TRAF7: variants seen among roughly 807,000 people sequenced by gnomAD.
TRAF7 encodes the protein TNF receptor associated factor 7, also known as E3 ubiquitin-protein ligase TRAF7.
In TRAF7, 45 loss-of-function variants were observed where a neutral mutation model predicts 89.3. That is an observed-to-expected ratio of 0.50 (90% CI 0.40 to 0.65). The LOEUF is 0.65. TRAF7 is among the 30% of genes least tolerant of loss of function. TRAF7 has a pLI of 0.00. For synonymous variants in TRAF7, 406 were observed against 369.2 expected, an observed-to-expected ratio of 1.10 and a Z score of -1.14; for missense variants, 677 against 918.1, an observed-to-expected ratio of 0.74 and a Z score of 3.39.
In TRAF7 at chr16:2,167,608, C is replaced by T. The variant is rs534167184; in HGVS notation, c.140-469C>T. Among the ~76,000 whole-genome samples the T allele has an allele frequency of 3.9e-5, 6 of 152,338 alleles. No homozygotes were observed. The South Asian group carries it at 1.2e-3, about 32-fold the overall frequency. On this transcript the variant is annotated intron_variant, in intron 3 of 20. Coordinates refer to ENST00000326181, the MANE Select transcript of TRAF7 (RefSeq NM_032271.3). ...TGTATCCCAGCCCACACCTCAACCT[C>T]AGCTTCCCCCTCTGTGAGTGGAGGC... is the stretch of plus-strand genomic sequence containing the variant.
rs2093097069 is a variant in TRAF7, at chr16:2,168,811, C to A, written c.231+643C>A. 6.6e-6 allele frequency among the ~76,000 whole-genome samples: 1 copy of A among 151,862 alleles called. No homozygotes were observed. The highest frequency in any genetic ancestry group is 1.5e-5 in the Non-Finnish European group (1 of 67,964). On this transcript the variant is annotated intron_variant, in intron 4 of 20. Transcript: ENST00000326181. This position sits in a 1 kb window ranked among gnomAD's most constrained non-coding sequence, Gnocchi z 4.1. ...CCATCCTGGTCAATGGCGCTCATTG[C>A]TGGGCTCTGGGCCTACCCAGGGGAC...
Position 2,159,492 on chromosome 16 carries a change from T to C in TRAF7, c.-39+3634T>C, listed in dbSNP as rs2141264359. Among the ~76,000 whole-genome samples the C allele has an allele frequency of 6.6e-6, 1 of 152,264 alleles. No individual in the cohort carries two copies. Among genetic ancestry groups the C allele is most frequent in the East Asian group, 1.9e-4 (1 of 5,164 alleles). ...ACAGCGGCGGAAGTGCGTGTGGCTT[T>C]GCTATGGCAACCAGGCCTGTTTCTA... On this transcript the variant is annotated intron_variant, in intron 1 of 20. Transcript: ENST00000326181. The surrounding 1 kb of genome is among the most constrained non-coding windows in gnomAD (Gnocchi z 6.5).
At chr16:2,173,858 C>G in intron 12 of TRAF7, 22 bp downstream of exon 12, 1 of 1,599,268 alleles carries the variant, frequency 6.3e-7, no homozygotes, top group Non-Finnish European at 8.5e-7. Context: ...CCCGCCGTGG[C>G]TCCCGCCCAC....
At chr16:2,165,147 CGTGTG>C (rs2093078643) in intron 2 of TRAF7, among the ~76,000 whole-genome samples, 1 of 136,778 alleles carries the variant, frequency 7.3e-6, no homozygotes, top group African/African-American at 2.9e-5. Context: ...CATGCTGAAG[CGTGTG>C]AGTGCTGCGT....
At position 2,166,068 on chromosome 16, in the gene TRAF7, C is replaced by T. The variant is rs1390823207; in HGVS notation, c.139+132C>T. ...CCAGTGCTGGGCGCGGGCAGCCTCA[C>T]ACCGCAGCCTGTGTCCTCACAGCCT... On this transcript the variant is annotated intron_variant, in intron 3 of 20. Coordinates refer to ENST00000326181, the MANE Select transcript of TRAF7 (RefSeq NM_032271.3). 6.3e-6 allele frequency: 7 copies of T among 1,109,802 alleles called. No individual in the cohort carries two copies. In the East Asian group the frequency reaches 9.9e-5, roughly 16 times the overall value. 68.7% of individuals were successfully genotyped at this position (1,109,802 alleles called of 1,614,324 possible). A position where few individuals can be genotyped will look rare whatever the true frequency, so the allele number is the denominator to read the frequency against.
rs762959739 is a variant in TRAF7 at position 2,163,379 on chromosome 16, G to A, written c.-38-504G>A. Among the ~76,000 whole-genome samples the A allele has an allele frequency of 4.4e-4, 67 of 152,290 alleles. No individual in the cohort carries two copies. The highest frequency in any genetic ancestry group is 7.4e-4 in the Non-Finnish European group (50 of 68,014). On this transcript the variant is annotated intron_variant, in intron 1 of 20. Coordinates refer to ENST00000326181, the MANE Select transcript of TRAF7 (RefSeq NM_032271.3). This position sits in a 1 kb window ranked among gnomAD's most constrained non-coding sequence, Gnocchi z 4.3. ...TCTGGGGTGTGGCTGGTGTCTCCCC[G>A]CTGCAGCCTGGTGCTGGCTGGGTCC... is the stretch of plus-strand genomic sequence containing the variant.
rs1222098913 is a variant in TRAF7 at position 2,158,139 on chromosome 16, G to A, written c.-39+2281G>A. Among the ~76,000 whole-genome samples the A allele has an allele frequency of 6.6e-6, 1 of 152,208 alleles. No individual in the cohort carries two copies. The highest frequency in any genetic ancestry group is 1.5e-5 in the Non-Finnish European group (1 of 68,034). ...TGGATGGACACCCTGCGGGGTCAGGGAGGGCATGTGGGGAGGGCCGAGAGC... is the reference window on the plus strand; with the variant it reads ...TGGATGGACACCCTGCGGGGTCAGGAAGGGCATGTGGGGAGGGCCGAGAGC... On this transcript the variant is annotated intron_variant, in intron 1 of 20. Coordinates refer to ENST00000326181, the MANE Select transcript of TRAF7 (RefSeq NM_032271.3). The surrounding 1 kb of genome is among the most constrained non-coding windows in gnomAD (Gnocchi z 4.7).
intron 3 of TRAF7, 127 bp downstream of exon 3, chr16:2,166,063 C>T (rs1056923760): frequency 1.3e-5 from 15 of 1,152,376 alleles, no homozygotes; most frequent in Non-Finnish European, 1.7e-5. Context: ...GCGCGGGCAG[C>T]CTCACACCGC....
At chr16:2,176,410 CA>C (rs748302098) in intron 20 of TRAF7, 26 bp downstream of exon 20, 1 of 1,611,208 alleles carries the variant, frequency 6.2e-7, no homozygotes, top group African/African-American at 1.3e-5. Flanking sequence ...TCAGGCCATT[CA>C]AAGGGGCTGC....
At chr16:2,175,007 T>C in intron 14 of TRAF7, 104 bp from the exon 15 acceptor site, 3 of 1,421,516 alleles carry the variant, frequency 2.1e-6, no homozygotes, top group South Asian at 2.3e-5. Flanking sequence ...CCCTGGGCCA[T>C]GCTGCTGGTT....
At position 2,163,644 on chromosome 16, in the gene TRAF7, G is replaced by T. The variant is rs2093066252; in HGVS notation, c.-38-239G>T. 2.0e-6 allele frequency: 1 copy of T among 502,000 alleles called. No homozygotes were observed. Among genetic ancestry groups the T allele is most frequent in the Admixed American group, 3.4e-5 (1 of 29,734 alleles). 31.1% of individuals were successfully genotyped at this position (502,000 alleles called of 1,614,324 possible). ...ATGGGCTCTTCGGGAGCTCAGAAAG[G>T]CTAAGCCTTGAGGGACGGTGACGCA... On this transcript the variant is annotated intron_variant, in intron 1 of 20. Transcript: ENST00000326181. This position sits in a 1 kb window ranked among gnomAD's most constrained non-coding sequence, Gnocchi z 4.3.
At position 2,168,870 on chromosome 16, in the gene TRAF7, G is replaced by A. The variant is rs1470767085; in HGVS notation, c.231+702G>A. On this transcript the variant is annotated intron_variant, in intron 4 of 20. Coordinates refer to ENST00000326181, the MANE Select transcript of TRAF7 (RefSeq NM_032271.3). The surrounding 1 kb of genome is among the most constrained non-coding windows in gnomAD (Gnocchi z 4.1). ...ACTCTACCCTGGGCATGAAGGACTG[G>A]CCCAGCAGGGGGTGGGGGTGTGTGG... 3.9e-5 allele frequency among the ~76,000 whole-genome samples: 6 copies of A among 152,150 alleles called. No individual in the cohort carries two copies. The East Asian group carries it at 7.8e-4, about 20-fold the overall frequency.
intron 3 of TRAF7, among the ~76,000 whole-genome samples, chr16:2,167,124 T>C (rs563213972): frequency 1.2e-4 from 18 of 151,884 alleles, no homozygotes; most frequent in African/African-American, 3.9e-4. Context: ...CAAAAAACGG[T>C]GCCTTTTCAT....
In TRAF7 at chr16:2,161,738, G is replaced by A. The variant is rs2093059102; in HGVS notation, c.-38-2145G>A. 6.6e-6 allele frequency among the ~76,000 whole-genome samples: 1 copy of A among 152,224 alleles called. No individual in the cohort carries two copies. Among genetic ancestry groups the A allele is most frequent in the African/African-American group, 2.4e-5 (1 of 41,460 alleles). On this transcript the variant is annotated intron_variant, in intron 1 of 20. Coordinates refer to ENST00000326181, the MANE Select transcript of TRAF7 (RefSeq NM_032271.3). This position sits in a 1 kb window ranked among gnomAD's most constrained non-coding sequence, Gnocchi z 5.2. ...GCGCCCTGCACTTCAGGCTATCAGG[G>A]CCTTACCCCAGCTGGGACATCCTCA... is the stretch of plus-strand genomic sequence containing the variant.
intron 14 of TRAF7, among the ~76,000 whole-genome samples, chr16:2,174,788 C>A (rs1567253162): frequency 6.6e-6 from 1 of 152,194 alleles, no homozygotes; most frequent in Non-Finnish European, 1.5e-5. Flanking sequence ...TAAGCGTGTG[C>A]GTGAGAGATG....
At chr16:2,171,540 G>A (rs749079317) in intron 6 of TRAF7, 32 bp from the exon 7 acceptor site, 12 of 1,613,062 alleles carry the variant, frequency 7.4e-6, no homozygotes, top group South Asian at 2.2e-5. Context: ...AGGACCCTGC[G>A]CCACCCTCAA....
At position 2,177,592 on chromosome 16, in the gene TRAF7, C is replaced by T; in HGVS notation, c.*1018C>T. Reference sequence around the variant, plus strand: ...CCATGAGCAGAAGCGTCCGTGGGAACTCCACTGGGGTGGATGGGCTGCCTG... The same window carrying T: ...CCATGAGCAGAAGCGTCCGTGGGAATTCCACTGGGGTGGATGGGCTGCCTG... On this transcript the variant is annotated 3_prime_UTR_variant, in exon 21 of 21. Transcript: ENST00000326181. 1 of 236,218 alleles carries T rather than the reference C, an allele frequency of 4.2e-6. No individual in the cohort carries two copies. The highest frequency in any genetic ancestry group is 8.3e-6 in the Non-Finnish European group (1 of 119,874). The allele number at this position is 236,218 out of a possible 1,614,324, so 14.6% of individuals were successfully genotyped here.
chr16:2,174,161 T>C (rs1162552909), intron 13 of TRAF7, 90 bp from the exon 14 acceptor site: 12 of 1,593,222 alleles, frequency 7.5e-6, no homozygotes, highest in Non-Finnish European at 1.0e-5. Flanking sequence ...CCCTCTCCCA[T>C]GGGCGGGGCT....
intron 1 of TRAF7, among the ~76,000 whole-genome samples, chr16:2,156,467 G>C (rs957973681): frequency 6.6e-6 from 1 of 152,182 alleles, no homozygotes; most frequent in African/African-American, 2.4e-5. Flanking sequence ...TAAAATCATG[G>C]GGAGCAGCGG....
Sources: gnomAD v4.1 joint callset for allele counts (sites outside exome capture counted in the v4.1 genomes callset) on GRCh38, gnomAD v4.1.1 for gene constraint, Gnocchi (gnomAD v3.1) non-coding constraint, MANE v1.5 for transcripts, NCBI Gene and HGNC (gene_info 2026-07-23, HGNC 2026-07-21) for gene names.